The following KANTR variants were observed in gnomAD, a reference collection of about 807,000 sequenced individuals.
KANTR encodes KANTR integral membrane protein.
chrX:53,143,609 G>T, downstream of KANTR: 1 of 670,330 alleles, frequency 1.5e-6, no homozygotes, highest in Non-Finnish European at 2.5e-6. Context: ...AACAGCACCG[G>T]GTGCTTCTCT....
At chrX:53,146,094 A>C (rs868978352), downstream of KANTR, among the ~76,000 whole-genome samples, 1 of 112,293 alleles carries the variant, frequency 8.9e-6, no homozygotes, top group East Asian at 2.8e-4. Context: ...CAGAGTGCCT[A>C]TCCTCCTCCA....
chrX:53,133,133 C>T (rs907460214), intron 2 of KANTR, among the ~76,000 whole-genome samples: 5 of 109,761 alleles, frequency 4.6e-5, no homozygotes, highest in East Asian at 5.7e-4. Context: ...TTCGAAAGGC[C>T]GAGGCGGGAA....
chrX:53,114,542 C>T (rs1323469596), intron 2 of KANTR, among the ~76,000 whole-genome samples: 1 of 112,414 alleles, frequency 8.9e-6, no homozygotes, highest in Admixed American at 9.4e-5. Context: ...GCAGGCTGGT[C>T]TGGTGTCTGG....
chrX:53,146,803 TG>T (rs1458813827), downstream of KANTR, among the ~76,000 whole-genome samples: 3 of 111,035 alleles, frequency 2.7e-5, no homozygotes, highest in Non-Finnish European at 5.7e-5. Context: ...CAGAAGAGAG[TG>T]GGGGCCAACA....
downstream of KANTR, chrX:53,143,332 G>A (rs1188646393): frequency 1.4e-5 from 10 of 700,395 alleles, no homozygotes; most frequent in Non-Finnish European, 1.8e-5. Flanking sequence ...GTGAAGCTTG[G>A]TGAGGATCTT....
chrX:53,098,789 G>A (rs782362411), intron 1 of KANTR, among the ~76,000 whole-genome samples: 7 of 110,046 alleles, frequency 6.4e-5, no homozygotes, highest in East Asian at 2.9e-4. Flanking sequence ...GTAGTGGCGC[G>A]ATCACGGCTC....
chrX:53,105,136 C>A (rs895424460), intron 2 of KANTR, among the ~76,000 whole-genome samples: 4 of 111,131 alleles, frequency 3.6e-5, no homozygotes, highest in African/African-American at 1.3e-4. Flanking sequence ...CTGCCCTCCT[C>A]GCCTCCCAAA....
chrX:53,103,899 C>T (rs1932916296), intron 2 of KANTR, among the ~76,000 whole-genome samples: 1 of 111,719 alleles, frequency 9.0e-6, no homozygotes, highest in South Asian at 3.7e-4. Context: ...CATCCTCTCT[C>T]ACCTACTTGA....
rs782666749 is a variant in KANTR, at chrX:53,104,908, A to G, written c.-805+5300A>G. 4.0e-4 allele frequency among the ~76,000 whole-genome samples: 44 copies of G among 109,384 alleles called. No individual in the cohort carries two copies. In the South Asian group the frequency reaches 0.016, roughly 40 times the overall value. 95.0% of individuals were successfully genotyped at this position (109,384 alleles called of 115,157 possible). ...AACTTTTTTTTTTTCTTTTTGAGAC[A>G]GGGTCTCACTCTGTCACCCAGACTG... On this transcript the variant is annotated intron_variant, in intron 2 of 2. Coordinates refer to ENST00000604062, the Ensembl canonical transcript of KANTR.
intron 2 of KANTR, among the ~76,000 whole-genome samples, chrX:53,100,348 C>T (rs1392178231): frequency 1.8e-5 from 2 of 110,643 alleles, no homozygotes; most frequent in East Asian, 2.8e-4. Flanking sequence ...GGTGTAGTGG[C>T]GCATGCCTAT....
downstream of KANTR, chrX:53,143,834 G>A: frequency 2.1e-6 from 1 of 482,878 alleles, no homozygotes; most frequent in Non-Finnish European, 3.9e-6. Context: ...ACAGCTCAGG[G>A]GCCATCCATC....
chrX:53,099,770 A>C (rs1334166767), intron 2 of KANTR, among the ~76,000 whole-genome samples, 162 bp downstream of exon 2: 1 of 112,331 alleles, frequency 8.9e-6, no homozygotes, highest in African/African-American at 3.2e-5. Flanking sequence ...ATGTTGTGTT[A>C]GCAGGCATGA....
chrX:53,106,101 C>G (rs890135199), intron 2 of KANTR, among the ~76,000 whole-genome samples: 1 of 108,182 alleles, frequency 9.2e-6, no homozygotes, highest in Non-Finnish European at 1.9e-5. Flanking sequence ...TCGTGATCCA[C>G]CCGCCTCGGC....
At chrX:53,130,869 T>G (rs984313128), downstream of KANTR, among the ~76,000 whole-genome samples, 2 of 111,553 alleles carry the variant, frequency 1.8e-5, no homozygotes, top group Admixed American at 9.6e-5. Context: ...GGATATCAAG[T>G]AGGCAGTCAG....
At chrX:53,141,883 A>T in exon 3 of KANTR, 1 of 462,756 alleles carries the variant, frequency 2.2e-6, no homozygotes, top group East Asian at 1.4e-4. Context: ...CAAGGCAAGT[A>T]ACAGCCCACG....
chrX:53,142,956 G>A, downstream of KANTR: 1 of 894,774 alleles, frequency 1.1e-6, no homozygotes, highest in Non-Finnish European at 1.6e-6. Flanking sequence ...GGGGCATGAT[G>A]AACTTGATCT....
chrX:53,109,651 A>G (rs1037231862), intron 2 of KANTR, among the ~76,000 whole-genome samples: 3 of 111,914 alleles, frequency 2.7e-5, no homozygotes, highest in Non-Finnish European at 5.7e-5. Context: ...TTTCTTTTTC[A>G]GATACTTTGT....
At chrX:53,136,550 T>TTC (rs1401874168) in intron 2 of KANTR, among the ~76,000 whole-genome samples, 1 of 91,976 alleles carries the variant, frequency 1.1e-5, no homozygotes, top group African/African-American at 3.8e-5. Flanking sequence ...TTTTTTTTTT[T>TTC]TTCATTTTTA....
downstream of KANTR, among the ~76,000 whole-genome samples, chrX:53,132,408 G>A (rs1933370422): frequency 1.8e-5 from 2 of 111,836 alleles, no homozygotes; most frequent in African/African-American, 6.5e-5. Flanking sequence ...CAAAGAATAT[G>A]AACAAGCAAT....
Sources: allele counts gnomAD v4.1 joint callset (sites outside exome capture counted in the v4.1 genomes callset), GRCh38; gene constraint gnomAD v4.1.1; transcripts MANE v1.5; gene names NCBI Gene and HGNC (gene_info 2026-07-23, HGNC 2026-07-21).